Variants in LACTBL1 observed in about 807,000 individuals in gnomAD.
LACTBL1 encodes beta-lactamase-like protein 1.
LACTBL1 carries 29 observed loss-of-function variants against 39.6 expected under a neutral mutation model. The observed-to-expected ratio is 0.73, with a 90% CI of 0.55 to 1.00. LACTBL1 has a LOEUF of 1.00. Ranked by LOEUF, LACTBL1 falls within the 50% of genes least tolerant of loss-of-function variation. The pLI is 0.00. For missense variants in LACTBL1, 711 were observed against 748.5 expected (o/e 0.95, Z 0.59); for synonymous variants, 361 against 360.7 (o/e 1.00, Z -0.01).
chr1:22,955,252 T>C, intron 5 of LACTBL1, 69 bp downstream of exon 7: 1 of 1,286,230 alleles, frequency 7.8e-7, no homozygotes, highest in African/African-American at 1.5e-5. Flanking sequence ...ATGTGGGCTC[T>C]TTGCCAGGCA....
chr1:22,953,872 G>C, exon 6 of LACTBL1: 6 of 1,549,020 alleles, frequency 3.9e-6, no homozygotes, highest in Non-Finnish European at 5.2e-6. Context: ...GGCCAGGCGC[G>C]CGCGCACGTC....
Position 22,959,928 on chromosome 1 carries a change from A to C in LACTBL1, c.317+14T>G, listed in dbSNP as rs1167865703. The C allele has an allele frequency of 4.5e-6, 7 of 1,550,930 alleles. No individual in the cohort carries two copies. Among genetic ancestry groups the C allele is most frequent in the Non-Finnish European group, 6.1e-6 (7 of 1,147,100 alleles). ...CTTACCCCTCCACAGGACCCTAGAG[A>C]TCACCCAGCTGACCTGTACATGGTG... On this transcript the variant is annotated intron_variant, in intron 3 of 5. Transcript: ENST00000426928.
chr1:22,956,563 G>C (rs1281959626), intron 4 of LACTBL1, among the ~76,000 whole-genome samples: 1 of 152,092 alleles, frequency 6.6e-6, no homozygotes, highest in Non-Finnish European at 1.5e-5. Context: ...TATGACCAAA[G>C]GCGTCTGGGG....
chr1:22,955,575 C>A, intron 4 of LACTBL1, 149 bp from the exon 7 acceptor site: 1 of 611,212 alleles, frequency 1.6e-6, no homozygotes, highest in East Asian at 2.8e-5. Flanking sequence ...AGCGTGGACT[C>A]CAGTCCTGCC....
At chr1:22,954,736 A>G (rs1487732762) in intron 5 of LACTBL1, among the ~76,000 whole-genome samples, 1 of 152,192 alleles carries the variant, frequency 6.6e-6, no homozygotes, top group African/African-American at 2.4e-5. Context: ...CTCCTGGATC[A>G]TTTCTTCCTT....
intron 5 of LACTBL1, among the ~76,000 whole-genome samples, chr1:22,955,052 G>GT (rs1640747572): frequency 6.6e-6 from 1 of 152,262 alleles, no homozygotes; most frequent in Non-Finnish European, 1.5e-5. Flanking sequence ...CAAACCGGGT[G>GT]TTTATCACCT....
At chr1:22,965,372 G>A, upstream of LACTBL1, 1 of 1,269,418 alleles carries the variant, frequency 7.9e-7, no homozygotes, top group Non-Finnish European at 1.0e-6. Context: ...AGCTGCAGAT[G>A]GCCGGGAGGA....
At chr1:22,972,493 G>A in the LACTBL1 span, 2 of 937,406 alleles carry the variant, frequency 2.1e-6, no homozygotes, top group Non-Finnish European at 2.5e-6. Flanking sequence ...CGAGGATGCG[G>A]GGGATCAAAG....
Position 22,955,913 on chromosome 1 carries a change from A to T in LACTBL1, c.554-487T>A, listed in dbSNP as rs577942732. ...CCCATCTCTTCTAAAAATACAAAAA[A>T]ATTAGCTGGACGTCTTGGCATGCGC... On this transcript the variant is annotated intron_variant, in intron 4 of 5. Transcript: ENST00000426928. Among the ~76,000 whole-genome samples, 97 of 152,026 alleles carry T rather than the reference A, an allele frequency of 6.4e-4. 1 individual carries two copies. The highest frequency in any genetic ancestry group is 1.1e-3 in the Non-Finnish European group (76 of 67,998).
At chr1:22,959,878 C>G (rs934493633) in intron 3 of LACTBL1, 64 bp downstream of exon 5, 2 of 1,526,136 alleles carry the variant, frequency 1.3e-6, no homozygotes, top group African/African-American at 2.8e-5. Context: ...TCCTTACCTC[C>G]TAGGTCTCCC....
upstream of LACTBL1, among the ~76,000 whole-genome samples, chr1:22,969,777 C>T (rs2124245498): frequency 6.6e-6 from 1 of 152,236 alleles, no homozygotes; most frequent in East Asian, 1.9e-4. Context: ...CTCATTCTTC[C>T]CCAGGCAGAG....
chr1:22,964,005 C>T (rs754742873), intron 1 of LACTBL1, among the ~76,000 whole-genome samples: 1 of 152,150 alleles, frequency 6.6e-6, no homozygotes, highest in Non-Finnish European at 1.5e-5. Flanking sequence ...ACTGCGATCT[C>T]AGCTCACTTC....
intron 2 of LACTBL1, 58 bp downstream of exon 4, chr1:22,963,048 TC>T: frequency 1.1e-6 from 1 of 881,734 alleles, no homozygotes; most frequent in Non-Finnish European, 1.5e-6. Context: ...GGGACTGCCC[TC>T]CCCTTCATCA....
Position 22,965,057 on chromosome 1 carries a change from C to T in LACTBL1, c.49+233G>A, listed in dbSNP as rs546062852. On this transcript the variant is annotated intron_variant, in intron 1 of 5. Transcript: ENST00000426928. ...CCCAAACTGGGTGTCTTGAAGAAAC[C>T]CCAGTGGCATCAGGATCCTCATTTT... Among the ~76,000 whole-genome samples the T allele has an allele frequency of 2.0e-5, 3 of 152,260 alleles. No homozygotes were observed. The South Asian group carries it at 6.2e-4, about 32-fold the overall frequency.
At chr1:22,964,998 G>A (rs561812676) in intron 1 of LACTBL1, among the ~76,000 whole-genome samples, 14 of 152,310 alleles carry the variant, frequency 9.2e-5, no homozygotes, top group Non-Finnish European at 1.6e-4. Context: ...GGGAAACACC[G>A]TTTGCTCTTC....
chr1:22,953,464 G>A, exon 6 of LACTBL1: 2 of 1,228,356 alleles, frequency 1.6e-6, no homozygotes, highest in Non-Finnish European at 2.0e-6. Flanking sequence ...CTCCAGGGCG[G>A]GCAGGAGCTC....
chr1:22,958,295 G>A (rs1640782363), intron 4 of LACTBL1, among the ~76,000 whole-genome samples: 2 of 152,046 alleles, frequency 1.3e-5, no homozygotes, highest in Admixed American at 6.6e-5. Flanking sequence ...ATGTTGCCCA[G>A]ACTGGCTTAG....
chr1:22,972,274 A>C, the LACTBL1 span: 2 of 984,448 alleles, frequency 2.0e-6, no homozygotes, highest in Non-Finnish European at 2.4e-6. Flanking sequence ...AAGCTGACAC[A>C]TGGTGACAGC....
exon 6 of LACTBL1, chr1:22,953,395 G>C (rs1570496743): frequency 1.6e-6 from 2 of 1,228,048 alleles, no homozygotes; most frequent in Non-Finnish European, 2.0e-6. Flanking sequence ...GAAGTAGCCG[G>C]CGAAGGGGTG....
Sources: gnomAD v4.1 joint callset for allele counts (sites outside exome capture counted in the v4.1 genomes callset) on GRCh38, gnomAD v4.1.1 for gene constraint, MANE v1.5 for transcripts, NCBI Gene and HGNC (gene_info 2026-07-23, HGNC 2026-07-21) for gene names.